SRRM2: variants seen among roughly 807,000 people sequenced by gnomAD.
The protein encoded by SRRM2 is serine/arginine repetitive matrix protein 2.
Under a neutral mutation model 213.8 loss-of-function variants are expected in SRRM2, and 30 were observed. The observed-to-expected ratio is 0.14, with a 90% CI of 0.10 to 0.19. The LOEUF is 0.19. Ranked by LOEUF, SRRM2 falls within the 10% of genes least tolerant of loss-of-function variation. The probability of loss-of-function intolerance (pLI) is 1.00; values close to 1 mark genes in which losing one functional copy is unlikely to be tolerated. For synonymous variants in SRRM2, 2,025 were observed against 1,377.7 expected, an observed-to-expected ratio of 1.47 and a Z score of -10.40; for missense variants, 4,904 against 3,647.0, an observed-to-expected ratio of 1.34 and a Z score of -8.88.
intron 10 of SRRM2, among the ~76,000 whole-genome samples, chr16:2,761,224 A>G (rs1459436663): frequency 6.6e-6 from 1 of 152,232 alleles, no homozygotes; most frequent in Admixed American, 6.5e-5. Flanking sequence ...TCAAAGGTGA[A>G]GTTGCCATTC....
At chr16:2,755,072 G>C (rs1012829552) in intron 1 of SRRM2, among the ~76,000 whole-genome samples, 1 of 152,098 alleles carries the variant, frequency 6.6e-6, no homozygotes, top group African/African-American at 2.4e-5. Flanking sequence ...GTATTCCTTA[G>C]GGTTTTTTCT....
rs145266969 is a variant in SRRM2, at chr16:2,761,977, G to C, written c.1449G>C (p.Arg483Ser). 2 of 1,614,122 alleles carry C rather than the reference G, an allele frequency of 1.2e-6. No homozygotes were observed. Among genetic ancestry groups the C allele is most frequent in the Non-Finnish European group, 1.7e-6 (2 of 1,180,016 alleles). The part of the protein sequence containing the change: ...HSHTPSRRMG[R>S]SRSPATAKRG... ...ATACCCCCTCCCGTAGGATGGGGAG[G>C]TCCCGTAGCCCTGCCACCGCTAAGA... The change falls in exon 11 of 15, where the codon AGG becomes AGC. Residue 483 changes from arginine (R) to serine (S), a missense_variant. Arg to Ser is a moderately radical substitution (Grantham distance 110, BLOSUM62 -1). Coordinates refer to ENST00000301740, the MANE Select transcript of SRRM2 (RefSeq NM_016333.4).
chr16:2,765,044 A>C lies in SRRM2; in HGVS notation c.4516A>C (p.Asn1506His). 2.5e-6 allele frequency: 4 copies of C among 1,613,526 alleles called. No homozygotes were observed. The highest frequency in any genetic ancestry group is 2.5e-6 in the Non-Finnish European group (3 of 1,179,904). The stretch of plus-strand genomic sequence containing the variant: ...TCGTTCTCCATCATCCCCAGAGCTC[A>C]ACAACAAGTGTCTTACCCCCCAGAG... ...RSRSPSSPELNNKCLTPQRER... is the reference protein window; with the variant it reads ...RSRSPSSPELHNKCLTPQRER... The change falls in exon 11 of 15, where the codon AAC becomes CAC. Residue 1506 changes from asparagine (N) to histidine (H), a missense_variant. Asn to His is a moderately conservative substitution (Grantham distance 68). Coordinates refer to ENST00000301740, the MANE Select transcript of SRRM2 (RefSeq NM_016333.4).
Position 2,767,426 on chromosome 16 carries a change from G to T in SRRM2, c.6898G>T (p.Ala2300Ser). Residue 2300 changes from alanine to serine, a missense_variant, in exon 11 of 15, where the codon GCC becomes TCC. Ala to Ser is a moderately conservative substitution (Grantham distance 99). Transcript: ENST00000301740. ...AGCCCCAGCTGTGAACCTAGCAGGG[G>T]CCAGAACCCCAGCTGCCTTGGCAGC... ...PTAPAVNLAG[A>S]RTPAALAALS... The T allele has an allele frequency of 6.2e-7, 1 of 1,613,996 alleles. No homozygotes were observed.
rs117824484 is a variant in SRRM2 at position 2,768,096 on chromosome 16, C to G, written c.7568C>G (p.Ala2523Gly). 1,334 of 1,614,198 alleles carry G rather than the reference C, an allele frequency of 8.3e-4. 20 individuals carry two copies. In the East Asian group the frequency reaches 0.025, roughly 30 times the overall value. ...TGAQQPSALA[A>G]LQPAKERRSS... is the part of the protein sequence containing the mutation. ...GCCCAGCAGCCTTCTGCATTAGCCG[C>G]CCTGCAGCCAGCAAAGGAGCGGCGG... Residue 2523 changes from alanine (A) to glycine (G), a missense_variant, in exon 11 of 15, where the codon GCC becomes GGC. Transcript: ENST00000301740.
Position 2,757,618 on chromosome 16 carries a change from C to T in SRRM2, c.350+39C>T, listed in dbSNP as rs760984781. ...TCTCCCTCGATGACTCTGGACTCTA[C>T]TCTGGCTGCTGGCTGCTGCTGCTGT... is the stretch of plus-strand genomic sequence containing the variant. On this transcript the variant is annotated intron_variant, in intron 3 of 14. Transcript: ENST00000301740. The T allele has an allele frequency of 9.4e-6, 15 of 1,592,304 alleles. No homozygotes were observed. The Admixed American group carries it at 1.4e-4, about 15-fold the overall frequency.
rs1434889049 is a variant in SRRM2, at chr16:2,761,551, C to T, written c.1033-10C>T. ...TGAATCCCTATCCCTGCTCTCTCTT[C>T]CACTCTTAGAAATCTGCAACTCGAC... On this transcript the variant is annotated splice_polypyrimidine_tract_variant and intron_variant, in intron 10 of 14. Transcript: ENST00000301740. The T allele has an allele frequency of 1.3e-6, 2 of 1,497,100 alleles. No individual in the cohort carries two copies. The highest frequency in any genetic ancestry group is 8.9e-7 in the Non-Finnish European group (1 of 1,124,530). 92.7% of individuals were successfully genotyped at this position (1,497,100 alleles called of 1,614,324 possible). A position where few individuals can be genotyped will look rare whatever the true frequency, so the allele number is the denominator to read the frequency against.
rs758818767 is a variant in SRRM2, at chr16:2,756,577, C to T, written c.213C>T (p.Leu71=). 6.2e-6 allele frequency: 10 copies of T among 1,613,424 alleles called. No individual in the cohort carries two copies. The highest frequency in any genetic ancestry group is 4.4e-5 in the South Asian group (4 of 91,018). ...AGCGGCGCGTCGAGCTGCGATGCCT[C>T]GAGCTGGAGGAGATGATGGAAGAGC... ...ERKRRVELRC[L]ELEEMMEEQG... is the part of the protein sequence containing the mutation. The change falls in exon 2 of 15, where the codon CTC becomes CTT. Residue 71 remains leucine, a synonymous_variant. Transcript: ENST00000301740.
intron 1 of SRRM2, among the ~76,000 whole-genome samples, chr16:2,755,663 T>C (rs1402289620): frequency 6.6e-6 from 1 of 152,340 alleles, no homozygotes; most frequent in South Asian, 2.1e-4. Flanking sequence ...AGGTGAAGTA[T>C]ATGACGATTA....
rs1384220067 is a variant in SRRM2 at position 2,768,209 on chromosome 16, A to G, written c.7681A>G (p.Ser2561Gly). The change falls in exon 11 of 15, where the codon AGT becomes GGT. Residue 2561 changes from serine to glycine, a missense_variant. Physicochemically the swap from Ser to Gly is moderately conservative, Grantham distance 56. Transcript: ENST00000301740. ...CTCCTCCTCCTCTGGCTCCAGTTCT[A>G]GTGACTCAGAGGGCTCTAGCCTTCC... ...SSSSSSGSSS[S>G]DSEGSSLPVQ... The G allele has an allele frequency of 8.1e-6, 13 of 1,601,366 alleles. No homozygotes were observed. Among genetic ancestry groups the G allele is most frequent in the East Asian group, 6.7e-5 (3 of 44,794 alleles).
intron 14 of SRRM2, 24 bp downstream of exon 14, chr16:2,770,741 C>A: frequency 1.3e-6 from 2 of 1,583,594 alleles, no homozygotes; most frequent in East Asian, 2.3e-5. Flanking sequence ...AAGGCTGATG[C>A]CCCCTTCCGG....
At chr16:2,757,127 G>A (rs1355650955) in intron 2 of SRRM2, among the ~76,000 whole-genome samples, 1 of 152,146 alleles carries the variant, frequency 6.6e-6, no homozygotes, top group Non-Finnish European at 1.5e-5. Flanking sequence ...TTAAACTTCA[G>A]CAATGGTGAT....
intron 12 of SRRM2, 188 bp from the exon 13 acceptor site, chr16:2,770,162 CCT>C (rs1234774340): frequency 5.6e-6 from 8 of 1,439,752 alleles, no homozygotes; most frequent in East Asian, 2.5e-5. Context: ...CCCGCTGCAC[CCT>C]GTGCCTGCCC....
At chr16:2,757,977 C>T (rs1318266212) in intron 4 of SRRM2, 32 bp downstream of exon 4, 1 of 1,588,774 alleles carries the variant, frequency 6.3e-7, no homozygotes, top group African/African-American at 1.4e-5. Flanking sequence ...CTGTCAGCTT[C>T]TTTTCTTGAT....
In SRRM2 at chr16:2,760,642, C is replaced by T. The variant is rs993717885; in HGVS notation, c.1032+143C>T. The T allele has an allele frequency of 1.5e-5, 13 of 868,888 alleles. No homozygotes were observed. In the African/African-American group the frequency reaches 1.5e-4, roughly 10 times the overall value. The allele number at this position is 868,888 out of a possible 1,614,324, so 53.8% of individuals were successfully genotyped here. ...CTGCATTTCTCTCCTAGTTCTCTTA[C>T]TGCATCTGCAGAACTTTTAGTGTTG... is the stretch of plus-strand genomic sequence containing the variant. On this transcript the variant is annotated intron_variant, in intron 10 of 14. Coordinates refer to ENST00000301740, the MANE Select transcript of SRRM2 (RefSeq NM_016333.4).
Position 2,765,471 on chromosome 16 carries a change from C to T in SRRM2, c.4943C>T (p.Ser1648Phe). 6.2e-7 allele frequency: 1 copy of T among 1,614,162 alleles called. No individual in the cohort carries two copies. The highest frequency in any genetic ancestry group is 1.1e-5 in the South Asian group (1 of 91,074). ...TCATCAAGCAAAGGCAGAGGCCCTT[C>T]TCCTGAAGGAAGCAGCAGTACCGAG... ...SGSSSKGRGP[S>F]PEGSSSTESS... The change falls in exon 11 of 15, where the codon TCT becomes TTT. Residue 1648 changes from serine to phenylalanine, a missense_variant. By Grantham distance (155) the Ser-to-Phe change is radical. Transcript: ENST00000301740.
chr16:2,759,059 G>C lies in SRRM2; in HGVS notation c.656+12G>C. 1 of 1,614,202 alleles carries C rather than the reference G, an allele frequency of 6.2e-7. No individual in the cohort carries two copies. Among genetic ancestry groups the C allele is most frequent in the Non-Finnish European group, 8.5e-7 (1 of 1,180,040 alleles). ...AAGAAGAAGCACAGGTATGAGGTGG[G>C]AATACTTGAATGACTGGAGAAGGTT... On this transcript the variant is annotated intron_variant, in intron 6 of 14. Coordinates refer to ENST00000301740, the MANE Select transcript of SRRM2 (RefSeq NM_016333.4).
rs535666988 is a variant in SRRM2 at position 2,764,661 on chromosome 16, C to T, written c.4133C>T (p.Ser1378Phe). ...SLDMKEQSTRSSGHSSSELSP... is the reference protein window; with the variant it reads ...SLDMKEQSTRFSGHSSSELSP... The stretch of plus-strand genomic sequence containing the variant: ...GACATGAAAGAACAATCGACAAGAT[C>T]CTCTGGACACAGCAGTTCTGAGTTA... Residue 1378 changes from serine to phenylalanine, a missense_variant, in exon 11 of 15, where the codon TCC (serine) becomes TTC (phenylalanine). Ser to Phe is a radical substitution (Grantham distance 155). Coordinates refer to ENST00000301740, the MANE Select transcript of SRRM2 (RefSeq NM_016333.4). 1.1e-5 allele frequency: 18 copies of T among 1,614,130 alleles called. No individual in the cohort carries two copies. Among genetic ancestry groups the T allele is most frequent in the Admixed American group, 3.3e-5 (2 of 60,028 alleles).
chr16:2,759,736 C>G (rs896956683), intron 9 of SRRM2, 75 bp downstream of exon 9: 1 of 1,404,200 alleles, frequency 7.1e-7, no homozygotes. Context: ...TGAGCGCCCA[C>G]GGTGTGCTAG....
Sources: gnomAD v4.1 joint callset for allele counts (sites outside exome capture counted in the v4.1 genomes callset) on GRCh38, gnomAD v4.1.1 for gene constraint, MANE v1.5 for transcripts, NCBI Gene and HGNC (gene_info 2026-07-23, HGNC 2026-07-21) for gene names.